RXFP1: variants seen among roughly 807,000 people sequenced by gnomAD.
The protein encoded by RXFP1 is relaxin receptor 1.
RXFP1 carries 73 observed loss-of-function variants against 89.8 expected under a neutral mutation model. That is an observed-to-expected ratio of 0.81 (90% CI 0.67 to 0.99). The LOEUF (loss-of-function observed/expected upper bound fraction) is 0.99. RXFP1 is among the 50% of genes least tolerant of loss of function. RXFP1 has a pLI of 0.00. For synonymous variants in RXFP1, 277 were observed against 305.5 expected, an observed-to-expected ratio of 0.91 and a Z score of 0.97; for missense variants, 793 against 895.5, an observed-to-expected ratio of 0.89 and a Z score of 1.46.
At chr4:158,638,214 G>T in intron 13 of RXFP1, 135 bp downstream of exon 13, 1 of 542,212 alleles carries the variant, frequency 1.8e-6, no homozygotes, top group Non-Finnish European at 3.3e-6. Context: ...AAAACATATG[G>T]GTGCTTGCTG....
At chr4:158,591,958 T>A (rs184494749) in intron 2 of RXFP1, among the ~76,000 whole-genome samples, 221 of 152,236 alleles carry the variant, frequency 1.5e-3, no homozygotes, top group African/African-American at 5.3e-3. Flanking sequence ...GCTTGTACCA[T>A]GTGCAGAGAT....
intron 1 of RXFP1, among the ~76,000 whole-genome samples, chr4:158,549,324 G>A (rs1231984229): frequency 6.6e-6 from 1 of 152,108 alleles, no homozygotes; most frequent in Non-Finnish European, 1.5e-5. Context: ...GGACTTCTCT[G>A]TGTTGGTTAT....
At chr4:158,650,960 T>A (rs984100022) in intron 17 of RXFP1, among the ~76,000 whole-genome samples, 5 of 151,446 alleles carry the variant, frequency 3.3e-5, no homozygotes, top group African/African-American at 1.2e-4. Context: ...CTTCAAAAAA[T>A]AAAAAAATAA....
chr4:158,604,618 A>G (rs1762248455), intron 4 of RXFP1, among the ~76,000 whole-genome samples: 1 of 152,156 alleles, frequency 6.6e-6, no homozygotes, highest in East Asian at 1.9e-4. Flanking sequence ...TATAGGTACC[A>G]ATTGATGTTT....
chr4:158,608,279 C>CT (rs756131500), intron 6 of RXFP1, among the ~76,000 whole-genome samples: 4,464 of 76,092 alleles, frequency 0.059, 1,299 homozygotes, highest in African/African-American at 0.23. Context: ...GTATTCCTTT[C>CT]TTTTTTTTTT....
chr4:158,588,290 G>T (rs749813426), intron 2 of RXFP1, among the ~76,000 whole-genome samples: 2 of 152,004 alleles, frequency 1.3e-5, no homozygotes, highest in Non-Finnish European at 2.9e-5. Flanking sequence ...TCATTGTTCC[G>T]CCGTACTTTA....
intron 1 of RXFP1, among the ~76,000 whole-genome samples, chr4:158,529,279 G>A (rs1463734107): frequency 1.4e-5 from 2 of 147,760 alleles, no homozygotes; most frequent in African/African-American, 5.1e-5. Context: ...TTGTTTATGA[G>A]ACAGGGTTTT....
At chr4:158,618,078 A>G (rs1456217569) in intron 9 of RXFP1, among the ~76,000 whole-genome samples, 1 of 152,178 alleles carries the variant, frequency 6.6e-6, no homozygotes, top group East Asian at 1.9e-4. Context: ...CTGAAAAGTT[A>G]CTAAGTCCAG....
In RXFP1 at chr4:158,599,341, C is replaced by T; in HGVS notation, c.302C>T (p.Pro101Leu). 6.2e-7 allele frequency: 1 copy of T among 1,613,918 alleles called. No homozygotes were observed. Among genetic ancestry groups the T allele is most frequent in the Non-Finnish European group, 8.5e-7 (1 of 1,179,946 alleles). Residue 101 changes from proline to leucine, a missense_variant, in exon 4 of 18, where the codon CCA (proline) becomes CTA (leucine). Transcript: ENST00000307765. ...ETPECLVGSV[P>L]VQCLCQGLEL... ...CTTGATTCAGTGGTCGGTTCTGTGC[C>T]AGTGCAATGTCTTTGCCAAGGTCTG...
rs116057779 is a variant in RXFP1 at position 158,574,099 on chromosome 4, C to T, written c.187+1264C>T. ...TCAAACTTCTGAAGCCTTGAAAATA[C>T]AAAGTTAGAACCTGAATTGTTTGGA... On this transcript the variant is annotated intron_variant, in intron 2 of 17. Coordinates refer to ENST00000307765, the MANE Select transcript of RXFP1 (RefSeq NM_021634.4). Among the ~76,000 whole-genome samples the T allele has an allele frequency of 4.6e-3, 699 of 152,202 alleles. 4 individuals carry two copies. Among genetic ancestry groups the T allele is most frequent in the Non-Finnish European group, 7.4e-3 (500 of 67,998 alleles).
At chr4:158,626,156 A>ATAGATAGATAGATAGT (rs1766763133) in intron 9 of RXFP1, among the ~76,000 whole-genome samples, 1 of 144,704 alleles carries the variant, frequency 6.9e-6, no homozygotes, top group African/African-American at 2.6e-5. Context: ...AGATAGATAG[A>ATAGATAGATAGATAGT]TAGATAGATA....
intron 14 of RXFP1, among the ~76,000 whole-genome samples, chr4:158,640,191 T>A (rs973635068): frequency 6.6e-6 from 1 of 152,216 alleles, no homozygotes; most frequent in Non-Finnish European, 1.5e-5. Flanking sequence ...GGAGATTTTT[T>A]GAATCTCAGG....
chr4:158,620,017 A>G (rs1765310584), intron 9 of RXFP1, among the ~76,000 whole-genome samples: 1 of 152,258 alleles, frequency 6.6e-6, no homozygotes, highest in Admixed American at 6.5e-5. Context: ...AATCAACAGA[A>G]CCAGAACCAG....
intron 2 of RXFP1, among the ~76,000 whole-genome samples, chr4:158,578,670 T>C (rs962819577): frequency 1.3e-5 from 2 of 152,016 alleles, no homozygotes; most frequent in Admixed American, 6.6e-5. Flanking sequence ...AAATAAGGGC[T>C]CCCCCTCATG....
intron 2 of RXFP1, among the ~76,000 whole-genome samples, chr4:158,573,937 A>C (rs1401320065): frequency 1.3e-5 from 2 of 152,190 alleles, no homozygotes; most frequent in Admixed American, 1.3e-4. Flanking sequence ...TTCTTCTAAA[A>C]GAGACAAAAC....
intron 10 of RXFP1, 131 bp from the exon 11 acceptor site, chr4:158,628,507 A>T (rs924257189): frequency 2.4e-6 from 1 of 422,862 alleles, no homozygotes; most frequent in Non-Finnish European, 4.3e-6. Flanking sequence ...AATTTATACT[A>T]CTTCAAAATG....
intron 1 of RXFP1, among the ~76,000 whole-genome samples, chr4:158,538,707 G>A (rs143756509): frequency 0.011 from 1,713 of 152,106 alleles, 25 homozygotes; most frequent in Middle Eastern, 0.051. Flanking sequence ...CAGCTACTGG[G>A]GAGGCTGAGG....
At chr4:158,529,244 T>TTTTTTTGTTG (rs756051922) in intron 1 of RXFP1, among the ~76,000 whole-genome samples, 4 of 110,048 alleles carry the variant, frequency 3.6e-5, no homozygotes, top group South Asian at 2.9e-4. Flanking sequence ...TTGCTTGTTT[T>TTTTTTTGTTG]TTGTTGTTGT....
intron 1 of RXFP1, among the ~76,000 whole-genome samples, chr4:158,539,477 T>C (rs896337706): frequency 1.3e-5 from 2 of 150,912 alleles, no homozygotes; most frequent in Non-Finnish European, 2.9e-5. Context: ...ACTTAAAGTA[T>C]AATAATAATA....
Sources: allele counts gnomAD v4.1 joint callset (sites outside exome capture counted in the v4.1 genomes callset), GRCh38; gene constraint gnomAD v4.1.1; transcripts MANE v1.5; gene names NCBI Gene and HGNC (gene_info 2026-07-23, HGNC 2026-07-21).